SPMIP11: variants seen among roughly 807,000 people sequenced by gnomAD.
The protein encoded by SPMIP11 is sperm microtubule inner protein 11.
chr12:48,753,593 C>T, the SPMIP11 span, among the ~76,000 whole-genome samples: 2 of 151,976 alleles, frequency 1.3e-5, no homozygotes, highest in Non-Finnish European at 2.9e-5. Context: ...CTCTGAGCTG[C>T]CTCTTTGGTG....
the SPMIP11 span, chr12:48,736,071 A>G: frequency 4.4e-6 from 2 of 449,566 alleles, no homozygotes; most frequent in Admixed American, 4.8e-5. Context: ...TTTTCCTTTC[A>G]TTTTTCCTAT....
At chr12:48,761,514 A>G in the SPMIP11 span, among the ~76,000 whole-genome samples, 1 of 151,152 alleles carries the variant, frequency 6.6e-6, no homozygotes, top group Non-Finnish European at 1.5e-5. Context: ...CAGGAGGCTC[A>G]GGTGGGAGAA....
the SPMIP11 span, among the ~76,000 whole-genome samples, chr12:48,753,103 T>A: frequency 6.6e-6 from 1 of 152,210 alleles, no homozygotes; most frequent in Non-Finnish European, 1.5e-5. Context: ...ATGAAAATCT[T>A]GTGTCAGCCT....
the SPMIP11 span, among the ~76,000 whole-genome samples, chr12:48,739,182 G>A: frequency 1.3e-5 from 2 of 152,068 alleles, no homozygotes; most frequent in South Asian, 4.1e-4. Context: ...CAAATAACTA[G>A]TGATCCTTGG....
At chr12:48,752,038 G>T in the SPMIP11 span, among the ~76,000 whole-genome samples, 4 of 145,948 alleles carry the variant, frequency 2.7e-5, no homozygotes, top group Non-Finnish European at 4.5e-5. Flanking sequence ...CTGTGCTCCA[G>T]CCTGGGCAAC....
At chr12:48,757,660 A>AAAAAT in the SPMIP11 span, among the ~76,000 whole-genome samples, 31 of 71,088 alleles carry the variant, frequency 4.4e-4, no homozygotes, top group South Asian at 2.9e-3. Context: ...AAATAAAAAT[A>AAAAAT]AAAATAAAAT....
the SPMIP11 span, among the ~76,000 whole-genome samples, chr12:48,757,348 T>C: frequency 6.6e-6 from 1 of 151,896 alleles, no homozygotes; most frequent in Non-Finnish European, 1.5e-5. Context: ...AGAATATGAA[T>C]GTATTAAAAA....
chr12:48,771,237 T>G, the SPMIP11 span: 1 of 536,896 alleles, frequency 1.9e-6, no homozygotes, highest in Non-Finnish European at 3.4e-6. The surrounding 1 kb of genome is among the most constrained non-coding windows in gnomAD (Gnocchi z 4.3). Flanking sequence ...ATTAAGCAAT[T>G]TCTCCAATCC....
At chr12:48,768,319 C>A in the SPMIP11 span, 4 of 521,638 alleles carry the variant, frequency 7.7e-6, no homozygotes, top group Admixed American at 1.3e-4. Context: ...CTGACCCCTC[C>A]CCTGCTCCCA....
chr12:48,768,857 T>C, the SPMIP11 span: 4 of 1,552,206 alleles, frequency 2.6e-6, no homozygotes, highest in African/African-American at 2.7e-5. Context: ...ACCCTACCCC[T>C]GTCCTAGCAG....
the SPMIP11 span, among the ~76,000 whole-genome samples, chr12:48,731,463 C>T: frequency 4.9e-4 from 75 of 152,056 alleles, no homozygotes; most frequent in Non-Finnish European, 8.7e-4. Flanking sequence ...TGCCCTCCAG[C>T]CTGGGCGACA....
chr12:48,758,993 A>G, the SPMIP11 span, among the ~76,000 whole-genome samples: 19 of 152,268 alleles, frequency 1.2e-4, no homozygotes, highest in Middle Eastern at 3.4e-3. Flanking sequence ...AGTCAGGGAG[A>G]AGCAAGAGAG....
chr12:48,752,083 AC>A, the SPMIP11 span, among the ~76,000 whole-genome samples: 48 of 151,028 alleles, frequency 3.2e-4, no homozygotes, highest in African/African-American at 1.1e-3. Flanking sequence ...AAAAAAACAA[AC>A]AAACAAAAAA....
the SPMIP11 span, among the ~76,000 whole-genome samples, chr12:48,744,698 G>A: frequency 0.56 from 84,373 of 150,990 alleles, 24,086 homozygotes; most frequent in East Asian, 0.75. Context: ...TAGCCTGGGC[G>A]ACAAGAGTGA....
the SPMIP11 span, among the ~76,000 whole-genome samples, chr12:48,743,561 C>T: frequency 2.0e-5 from 3 of 152,064 alleles, no homozygotes; most frequent in Non-Finnish European, 2.9e-5. Flanking sequence ...AATCCTGGCA[C>T]TTTGGGAGGC....
chr12:48,751,211 C>G, the SPMIP11 span, among the ~76,000 whole-genome samples: 1 of 152,130 alleles, frequency 6.6e-6, no homozygotes, highest in Non-Finnish European at 1.5e-5. Flanking sequence ...AAACATTCTG[C>G]CAGTCCCTGC....
At chr12:48,744,801 G>C in the SPMIP11 span, among the ~76,000 whole-genome samples, 54 of 145,210 alleles carry the variant, frequency 3.7e-4, no homozygotes, top group Non-Finnish European at 6.7e-4. Flanking sequence ...GGAGGGGAAA[G>C]AAGAAGAAAA....
chr12:48,748,018 A>G, the SPMIP11 span, among the ~76,000 whole-genome samples: 1 of 152,112 alleles, frequency 6.6e-6, no homozygotes, highest in Non-Finnish European at 1.5e-5. Context: ...ATATTCCCCT[A>G]GTCACTCTCC....
At chr12:48,771,073 C>G in the SPMIP11 span, 11 of 1,170,414 alleles carry the variant, frequency 9.4e-6, no homozygotes, top group Non-Finnish European at 1.3e-5. This position sits in a 1 kb window ranked among gnomAD's most constrained non-coding sequence, Gnocchi z 4.3. Flanking sequence ...CCCCACTTCC[C>G]TGTCTCAAGA....
Sources: allele counts gnomAD v4.1 joint callset (sites outside exome capture counted in the v4.1 genomes callset), GRCh38; gene constraint gnomAD v4.1.1; non-coding constraint Gnocchi (gnomAD v3.1); transcripts MANE v1.5; gene names NCBI Gene and HGNC (gene_info 2026-07-23, HGNC 2026-07-21).